ERG28: variants seen among roughly 807,000 people sequenced by gnomAD.
The protein encoded by ERG28 is ergosterol biosynthetic protein 28 homolog.
A neutral mutation model predicts 15.7 loss-of-function variants in ERG28; 9 were observed. The observed-to-expected ratio is 0.57, with a 90% CI of 0.35 to 1.00. ERG28 has a LOEUF of 1.00. Among genes scored for constraint, ERG28 ranks in the 50% least tolerant of loss-of-function variants. The pLI is 0.02. For missense variants in ERG28, 117 were observed against 173.3 expected (o/e 0.68, Z 1.82); for synonymous variants, 61 against 68.4 (o/e 0.89, Z 0.53).
intron 2 of ERG28, among the ~76,000 whole-genome samples, chr14:75,655,692 G>T (rs1008276765): frequency 2.0e-5 from 3 of 152,198 alleles, no homozygotes; most frequent in African/African-American, 7.2e-5. Flanking sequence ...AACTGAGGTA[G>T]TTTTATAAAA....
chr14:75,656,279 AACACACACACACACAC>A (rs34053718), intron 2 of ERG28, among the ~76,000 whole-genome samples: 62 of 135,984 alleles, frequency 4.6e-4, no homozygotes, highest in Middle Eastern at 3.6e-3. Flanking sequence ...GTGCTGGCTG[AACACACACACACACAC>A]ACACACACAC....
At chr14:75,657,338 A>C (rs1221256315) in intron 2 of ERG28, 32 bp downstream of exon 2, 1 of 1,613,084 alleles carries the variant, frequency 6.2e-7, no homozygotes, top group South Asian at 1.1e-5. Flanking sequence ...TATAAGTCCT[A>C]TAAAGGATGC....
chr14:75,659,368 A>T lies in ERG28; in HGVS notation c.-32+1407T>A, dbSNP rs1019947429. ...TTTTTAATTTATTATTTATTTATTT[A>T]TTTTTTTGAGACAGGGTCTTGCTCT... On this transcript the variant is annotated intron_variant, in intron 1 of 4. Coordinates refer to ENST00000256319, the MANE Select transcript of ERG28 (RefSeq NM_007176.4). Among the ~76,000 whole-genome samples the T allele has an allele frequency of 1.3e-4, 19 of 151,028 alleles. 1 individual carries two copies. The highest frequency in any genetic ancestry group is 4.2e-4 in the South Asian group (2 of 4,736).
rs34053718 is a variant in ERG28 at position 75,656,279 on chromosome 14, AACACACACAC to A, written c.133+1081_133+1090del. On this transcript the variant is annotated intron_variant, in intron 2 of 4. Coordinates refer to ENST00000256319, the MANE Select transcript of ERG28 (RefSeq NM_007176.4). ...GCAGCCTCAGCTTCCGTGCTGGCTG[AACACACACAC>A]ACACACACACACACACACACACACA... Among the ~76,000 whole-genome samples the A allele has an allele frequency of 2.8e-3, 381 of 135,980 alleles. 2 individuals carry two copies. The highest frequency in any genetic ancestry group is 0.018 in the Middle Eastern group (5 of 278). The allele number at this position is 135,980 out of a possible 152,430, so 89.2% of individuals were successfully genotyped here.
At chr14:75,660,693 C>T (rs1193980618) in intron 1 of ERG28, 82 bp downstream of exon 1, 1 of 152,388 alleles carries the variant, frequency 6.6e-6, no homozygotes, top group Non-Finnish European at 1.5e-5. Flanking sequence ...ATCCCACCTC[C>T]ATTTTTCCAG....
At chr14:75,657,240 G>T in intron 2 of ERG28, 130 bp downstream of exon 2, 1 of 1,160,556 alleles carries the variant, frequency 8.6e-7, no homozygotes, top group Non-Finnish European at 1.2e-6. Flanking sequence ...TAGGTTTGGT[G>T]AGGGAAATGG....
At position 75,660,803 on chromosome 14, in the gene ERG28, G is replaced by GGCA. The variant is rs571029527; in HGVS notation, c.-63_-61dup. The GGCA allele has an allele frequency of 3.5e-3, 538 of 152,994 alleles. 3 individuals carry two copies. Among genetic ancestry groups the GGCA allele is most frequent in the Non-Finnish European group, 5.8e-3 (396 of 68,726 alleles). 9.5% of individuals were successfully genotyped at this position (152,994 alleles called of 1,614,324 possible). A position where few individuals can be genotyped will look rare whatever the true frequency, so the allele number is the denominator to read the frequency against. ...GCGACCGGGCCCCCAGCACAGCAGT[G>GGCA]GCAGCAGCAGCCGCTGCCGCAAACA... On this transcript the variant is annotated 5_prime_UTR_variant, in exon 1 of 5. Transcript: ENST00000256319.
At chr14:75,654,832 C>G in intron 3 of ERG28, 54 bp downstream of exon 3, 1 of 1,523,328 alleles carries the variant, frequency 6.6e-7, no homozygotes. Flanking sequence ...ACAGGTATGC[C>G]TCGCATCTGA....
At chr14:75,654,753 T>TGA (rs1890575703) in intron 3 of ERG28, 133 bp downstream of exon 3, 1 of 992,894 alleles carries the variant, frequency 1.0e-6, no homozygotes, top group Non-Finnish European at 1.6e-6. Context: ...ATGTAACCTG[T>TGA]GAGTTTTTTA....
intron 3 of ERG28, among the ~76,000 whole-genome samples, chr14:75,653,677 T>C (rs1205114095): frequency 4.6e-5 from 7 of 151,928 alleles, no homozygotes; most frequent in Non-Finnish European, 1.0e-4. Context: ...TCAAAAGATA[T>C]ATCCCTCATA....
intron 3 of ERG28, among the ~76,000 whole-genome samples, chr14:75,652,518 T>G (rs1018308527): frequency 4.6e-5 from 7 of 152,242 alleles, no homozygotes; most frequent in African/African-American, 1.7e-4. Context: ...GGCTACTAGG[T>G]GACTGACCAC....
At chr14:75,655,043 A>G (rs984146550) in intron 2 of ERG28, 67 bp from the exon 3 acceptor site, 16 of 1,468,060 alleles carry the variant, frequency 1.1e-5, no homozygotes, top group Middle Eastern at 1.7e-4. Flanking sequence ...AACTCCTCCT[A>G]TTTCACTGGT....
intron 3 of ERG28, among the ~76,000 whole-genome samples, chr14:75,654,303 GAAGA>G (rs1468983954): frequency 6.6e-6 from 1 of 152,190 alleles, no homozygotes; most frequent in African/African-American, 2.4e-5. Context: ...CTCCCGCTGG[GAAGA>G]AAGCTCGAGC....
In ERG28 at chr14:75,656,279, A is replaced by AC. The variant is rs1890595171; in HGVS notation, c.133+1090_133+1091insG. On this transcript the variant is annotated intron_variant, in intron 2 of 4. Coordinates refer to ENST00000256319, the MANE Select transcript of ERG28 (RefSeq NM_007176.4). ...GCAGCCTCAGCTTCCGTGCTGGCTGAACACACACACACACACACACACACA... is the reference window on the plus strand; with the variant it reads ...GCAGCCTCAGCTTCCGTGCTGGCTGACACACACACACACACACACACACACA... Among the ~76,000 whole-genome samples, 3 of 135,892 alleles carry AC rather than the reference A, an allele frequency of 2.2e-5. No individual in the cohort carries two copies. In the Admixed American group the frequency reaches 2.3e-4, roughly 10 times the overall value. The allele number at this position is 135,892 out of a possible 152,430, so 89.2% of individuals were successfully genotyped here.
At chr14:75,654,119 C>T (rs751780810) in intron 3 of ERG28, among the ~76,000 whole-genome samples, 11 of 152,138 alleles carry the variant, frequency 7.2e-5, no homozygotes, top group Admixed American at 5.2e-4. Flanking sequence ...ATCAAGATCA[C>T]GTAGATAAAA....
Position 75,651,684 on chromosome 14 carries a change from T to TTC in ERG28, c.344-52_344-51dup, listed in dbSNP as rs761639946. Reference sequence around the variant, plus strand: ...GACTAACATACATACGGTACCTTTCTTCTCTCTCTCTCCTGTGTCCACCCT... The same window carrying TTC: ...GACTAACATACATACGGTACCTTTCTTCTCTCTCTCTCTCCTGTGTCCACCCT... On this transcript the variant is annotated intron_variant, in intron 4 of 4. Coordinates refer to ENST00000256319, the MANE Select transcript of ERG28 (RefSeq NM_007176.4). 17 of 1,594,062 alleles carry TTC rather than the reference T, an allele frequency of 1.1e-5. No individual in the cohort carries two copies. The East Asian group carries it at 2.0e-4, about 19-fold the overall frequency.
At chr14:75,656,301 C>T (rs1890596992) in intron 2 of ERG28, among the ~76,000 whole-genome samples, 1 of 150,678 alleles carries the variant, frequency 6.6e-6, no homozygotes, top group South Asian at 2.1e-4. Context: ...CACACACACA[C>T]ACACACACAC....
chr14:75,654,815 C>T, intron 3 of ERG28, 71 bp downstream of exon 3: 5 of 1,447,568 alleles, frequency 3.5e-6, no homozygotes, highest in Non-Finnish European at 3.9e-6. Context: ...TCCCATTACT[C>T]AAGGTAACAG....
At chr14:75,653,668 CA>C (rs1183308671) in intron 3 of ERG28, among the ~76,000 whole-genome samples, 1 of 151,638 alleles carries the variant, frequency 6.6e-6, no homozygotes, top group African/African-American at 2.4e-5. Context: ...GCACAACAAT[CA>C]AAAGATATAT....
Sources: gnomAD v4.1 joint callset for allele counts (sites outside exome capture counted in the v4.1 genomes callset) on GRCh38, gnomAD v4.1.1 for gene constraint, MANE v1.5 for transcripts, NCBI Gene and HGNC (gene_info 2026-07-23, HGNC 2026-07-21) for gene names.